The following GPHN variants were observed in gnomAD, a reference collection of about 807,000 sequenced individuals.
GPHN encodes the protein gephyrin.
In GPHN, 17 loss-of-function variants were observed where a neutral mutation model predicts 95.5. The ratio of observed to expected loss-of-function variants is 0.18; its 90% CI spans 0.12 to 0.27. The LOEUF (loss-of-function observed/expected upper bound fraction) is 0.27. GPHN is among the 10% of genes least tolerant of loss of function. The pLI is 1.00. For synonymous variants in GPHN, 320 were observed against 322.5 expected, an observed-to-expected ratio of 0.99 and a Z score of 0.08; for missense variants, 660 against 978.1, an observed-to-expected ratio of 0.67 and a Z score of 4.34.
intron 4 of GPHN, among the ~76,000 whole-genome samples, chr14:66,849,497 A>G (rs892937396): frequency 7.2e-5 from 11 of 152,150 alleles, no homozygotes; most frequent in South Asian, 2.1e-4. Context: ...TATTTGTACT[A>G]TCAGTTTATG....
At chr14:66,934,861 A>G (rs2067023056) in intron 8 of GPHN, among the ~76,000 whole-genome samples, 1 of 152,226 alleles carries the variant, frequency 6.6e-6, no homozygotes, top group Non-Finnish European at 1.5e-5. Flanking sequence ...ACTGTTGTCC[A>G]TAACTAAAAA....
At chr14:67,258,570 C>T in the GPHN span, among the ~76,000 whole-genome samples, 6 of 152,058 alleles carry the variant, frequency 3.9e-5, no homozygotes, top group East Asian at 2.0e-4. Context: ...TATAGGCACA[C>T]GCCACCACAA....
At chr14:66,831,132 A>G (rs919116235) in intron 4 of GPHN, among the ~76,000 whole-genome samples, 40 of 152,238 alleles carry the variant, frequency 2.6e-4, no homozygotes, top group African/African-American at 9.6e-4. Context: ...TTTACATTTA[A>G]TAACTCACCT....
intron 5 of GPHN, among the ~76,000 whole-genome samples, chr14:66,891,960 AAAAAATAAT>A (rs1456206981): frequency 8.5e-5 from 13 of 152,100 alleles, no homozygotes; most frequent in Non-Finnish European, 1.6e-4. Context: ...GCTGTTATCA[AAAAAATAAT>A]AATAAATAAG....
the GPHN span, among the ~76,000 whole-genome samples, chr14:67,396,246 C>G: frequency 2.0e-5 from 3 of 151,952 alleles, no homozygotes; most frequent in Non-Finnish European, 2.9e-5. Flanking sequence ...CTCCCAGGTT[C>G]AAGCAATTCT....
the GPHN span, chr14:67,316,727 T>C: frequency 1.2e-6 from 1 of 826,616 alleles, no homozygotes; most frequent in South Asian, 1.9e-5. Flanking sequence ...TGGAAGGGAA[T>C]ATAAGTGAAG....
chr14:66,978,274 G>T (rs1333632860), intron 9 of GPHN, among the ~76,000 whole-genome samples: 1 of 152,136 alleles, frequency 6.6e-6, no homozygotes, highest in East Asian at 1.9e-4. Flanking sequence ...AGACAAGTTT[G>T]CCAGATCGAT....
the GPHN span, chr14:67,337,848 TAAGG>T: frequency 6.6e-6 from 1 of 152,214 alleles, no homozygotes; most frequent in South Asian, 2.1e-4. Context: ...AATTAGCAAA[TAAGG>T]AAGTATTATA....
intron 2 of GPHN, among the ~76,000 whole-genome samples, chr14:66,732,869 C>A (rs565765523): frequency 6.6e-6 from 1 of 152,236 alleles, no homozygotes; most frequent in East Asian, 1.9e-4. Flanking sequence ...TCTCAGATGA[C>A]ACTTTGGACT....
At chr14:66,695,608 T>C (rs1228323448) in intron 2 of GPHN, among the ~76,000 whole-genome samples, 1 of 152,230 alleles carries the variant, frequency 6.6e-6, no homozygotes, top group African/African-American at 2.4e-5. Flanking sequence ...GCAACCAAGA[T>C]AACCTTCAGT....
At chr14:66,830,419 A>G (rs2061542362) in intron 4 of GPHN, among the ~76,000 whole-genome samples, 1 of 152,126 alleles carries the variant, frequency 6.6e-6, no homozygotes, top group Non-Finnish European at 1.5e-5. Flanking sequence ...AATTAATACA[A>G]TGAATTTGTT....
chr14:66,841,196 C>T (rs759216340), intron 4 of GPHN, among the ~76,000 whole-genome samples: 1 of 151,890 alleles, frequency 6.6e-6, no homozygotes, highest in South Asian at 2.1e-4. Context: ...AGATGGTAAG[C>T]GCTATGTTTA....
At chr14:66,970,434 A>G (rs2069674575) in intron 9 of GPHN, among the ~76,000 whole-genome samples, 1 of 152,038 alleles carries the variant, frequency 6.6e-6, no homozygotes, top group Admixed American at 6.5e-5. Context: ...TCAGCATAAT[A>G]TTTTCTCTGG....
chr14:66,660,526 T>A (rs1252152418), intron 1 of GPHN, among the ~76,000 whole-genome samples: 1 of 152,208 alleles, frequency 6.6e-6, no homozygotes, highest in Non-Finnish European at 1.5e-5. Flanking sequence ...TTTTTCTTCA[T>A]CAAAGAATGT....
intron 1 of GPHN, among the ~76,000 whole-genome samples, chr14:66,583,157 G>A (rs1182227625): frequency 5.9e-5 from 9 of 152,100 alleles, no homozygotes; most frequent in Middle Eastern, 6.8e-3. Context: ...ATTTTTTCAT[G>A]TGTTTTTTGG....
chr14:67,418,180 C>T, the GPHN span, among the ~76,000 whole-genome samples: 1 of 152,162 alleles, frequency 6.6e-6, no homozygotes, highest in Non-Finnish European at 1.5e-5. Context: ...GTATTATTCC[C>T]ATTCTGTAGA....
chr14:66,913,239 GGT>G (rs1249374963), intron 5 of GPHN, among the ~76,000 whole-genome samples: 1 of 152,102 alleles, frequency 6.6e-6, no homozygotes, highest in African/African-American at 2.4e-5. Context: ...GATGCTTGCT[GGT>G]GAGAGACAAT....
At chr14:66,617,005 C>T (rs1019589576) in intron 1 of GPHN, among the ~76,000 whole-genome samples, 8 of 152,148 alleles carry the variant, frequency 5.3e-5, no homozygotes, top group Non-Finnish European at 7.3e-5. Flanking sequence ...CATCTGCGCC[C>T]GGCTGAACAG....
chr14:66,783,723 G>A lies in GPHN; in HGVS notation c.201+7202G>A, dbSNP rs112510293. On this transcript the variant is annotated intron_variant, in intron 3 of 22. Coordinates refer to ENST00000478722, the MANE Select transcript of GPHN (RefSeq NM_020806.5). Reference sequence around the variant, plus strand: ...CTACTTGGTATCAACAGTGGAGCAAGGTAATGTCAACTTTCACCAGAAAGG... The same window carrying A: ...CTACTTGGTATCAACAGTGGAGCAAAGTAATGTCAACTTTCACCAGAAAGG... 3.1e-3 allele frequency among the ~76,000 whole-genome samples: 470 copies of A among 152,302 alleles called. 11 individuals carry two copies. The highest frequency in any genetic ancestry group is 0.011 in the African/African-American group (445 of 41,566).
Sources: gnomAD v4.1 joint callset for allele counts (sites outside exome capture counted in the v4.1 genomes callset) on GRCh38, gnomAD v4.1.1 for gene constraint, MANE v1.5 for transcripts, NCBI Gene and HGNC (gene_info 2026-07-23, HGNC 2026-07-21) for gene names.